The following DENND2B variants were observed in gnomAD, a reference collection of about 807,000 sequenced individuals.
DENND2B encodes the protein DENN domain-containing protein 2B.
Under a neutral mutation model 116.0 loss-of-function variants are expected in DENND2B, and 32 were observed. That is an observed-to-expected ratio of 0.28 (90% CI 0.21 to 0.37). The LOEUF is 0.37. DENND2B is among the 10% of genes least tolerant of loss of function. DENND2B has a pLI of 1.00. For synonymous variants in DENND2B, 588 were observed against 583.9 expected (o/e 1.01, Z -0.10); for missense variants, 1,276 against 1,477.7 (o/e 0.86, Z 2.24).
At chr11:8,849,062 A>G (rs1485324912) in intron 3 of DENND2B, among the ~76,000 whole-genome samples, 1 of 150,912 alleles carries the variant, frequency 6.6e-6, no homozygotes, top group Non-Finnish European at 1.5e-5. Context: ...AAATGATGTA[A>G]TTTTTTTTTT....
At position 8,731,020 on chromosome 11, in the gene DENND2B, G is replaced by T; in HGVS notation, c.270C>A (p.Pro90=). Residue 90 remains proline, a synonymous_variant, in exon 3 of 20, where the codon CCC becomes CCA. Coordinates refer to ENST00000313726, the MANE Select transcript of DENND2B (RefSeq NM_213618.2). The stretch of plus-strand genomic sequence containing the variant: ...AGCTGGCGGTCTTGAAGGGACAGGT[G>T]GGTGGGGAAGTATCTGGGGAGGGAT... ...PQDPSPDTSP[P]TCPFKTASFG... is the part of the protein sequence containing the mutation. The T allele has an allele frequency of 6.2e-7, 1 of 1,614,188 alleles. No homozygotes were observed. The highest frequency in any genetic ancestry group is 1.3e-5 in the African/African-American group (1 of 75,070).
intron 1 of DENND2B, among the ~76,000 whole-genome samples, chr11:8,758,642 T>C (rs2054025266): frequency 6.6e-6 from 1 of 152,220 alleles, no homozygotes; most frequent in Non-Finnish European, 1.5e-5. Flanking sequence ...ATTCAGATTC[T>C]AGCTTCTTTT....
chr11:8,731,728 A>G (rs1055907953), intron 2 of DENND2B, among the ~76,000 whole-genome samples: 1 of 152,160 alleles, frequency 6.6e-6, no homozygotes, highest in Non-Finnish European at 1.5e-5. Flanking sequence ...AAAACCAAAC[A>G]AGTCTGAACA....
At chr11:8,724,220 C>T (rs1005154245) in intron 4 of DENND2B, among the ~76,000 whole-genome samples, 6 of 151,790 alleles carry the variant, frequency 4.0e-5, no homozygotes, top group African/African-American at 9.7e-5. Flanking sequence ...GGCATGAACC[C>T]GGGATGCGGA....
chr11:8,708,198 G>C, intron 11 of DENND2B: 1 of 1,251,842 alleles, frequency 8.0e-7, no homozygotes, highest in South Asian at 1.6e-5. Flanking sequence ...TAGCCCTGAG[G>C]CTGGGACCCC....
At chr11:8,833,872 A>G (rs991302007) in intron 4 of DENND2B, among the ~76,000 whole-genome samples, 1 of 152,186 alleles carries the variant, frequency 6.6e-6, no homozygotes, top group Non-Finnish European at 1.5e-5. Context: ...GCAGCTGGTT[A>G]GTTCAGTTAC....
intron 14 of DENND2B, among the ~76,000 whole-genome samples, chr11:8,701,879 T>G (rs1488667656): frequency 6.6e-6 from 1 of 152,026 alleles, no homozygotes. Flanking sequence ...GACCAAGACC[T>G]GTGACCCATC....
At chr11:8,869,989 C>A (rs1174033335) in intron 2 of DENND2B, among the ~76,000 whole-genome samples, 5 of 152,114 alleles carry the variant, frequency 3.3e-5, no homozygotes, top group Non-Finnish European at 4.4e-5. Flanking sequence ...CAAAACAATG[C>A]AGCCCTTTGG....
chr11:8,865,518 G>A (rs2063545028), intron 2 of DENND2B, among the ~76,000 whole-genome samples: 2 of 152,126 alleles, frequency 1.3e-5, no homozygotes, highest in Admixed American at 6.5e-5. Flanking sequence ...TTAGCCAGAG[G>A]AAGGGAAGGA....
At chr11:8,898,076 T>G (rs2064124704) in intron 1 of DENND2B, among the ~76,000 whole-genome samples, 1 of 152,208 alleles carries the variant, frequency 6.6e-6, no homozygotes. Context: ...CACATGGCCT[T>G]GACTGAACTT....
At position 8,730,115 on chromosome 11, in the gene DENND2B, C is replaced by T. The variant is rs142799946; in HGVS notation, c.1175G>A (p.Arg392His). 1 of 1,614,178 alleles carries T rather than the reference C, an allele frequency of 6.2e-7. No individual in the cohort carries two copies. Among genetic ancestry groups the T allele is most frequent in the Non-Finnish European group, 8.5e-7 (1 of 1,180,034 alleles). Reference sequence around the variant, plus strand: ...CTTGTCAGCCTCGTATTCAAAGGTGCGCTTGGGTTTGGGGACAGGGTTCAC... The same window carrying T: ...CTTGTCAGCCTCGTATTCAAAGGTGTGCTTGGGTTTGGGGACAGGGTTCAC... ...PAVNPVPKPK[R>H]TFEYEADKNP... Residue 392 changes from arginine (R) to histidine (H), a missense_variant, in exon 3 of 20, where the codon CGC becomes CAC. By Grantham distance (29) the Arg-to-His change is conservative. Transcript: ENST00000313726. This position sits in a 1 kb window ranked among gnomAD's most constrained non-coding sequence, Gnocchi z 4.1.
At chr11:8,846,033 C>T (rs967458188) in intron 3 of DENND2B, among the ~76,000 whole-genome samples, 10 of 152,124 alleles carry the variant, frequency 6.6e-5, no homozygotes, top group Admixed American at 1.3e-4. Flanking sequence ...ACAAGCCCTT[C>T]GAAGGTCCTC....
chr11:8,847,123 A>G (rs1052310998), intron 3 of DENND2B, among the ~76,000 whole-genome samples: 3 of 152,264 alleles, frequency 2.0e-5, no homozygotes, highest in African/African-American at 4.8e-5. Flanking sequence ...AAACTTCTCC[A>G]GAGTCAGTCA....
chr11:8,766,851 G>A (rs2055900494), intron 1 of DENND2B: 4 of 343,400 alleles, frequency 1.2e-5, no homozygotes, highest in Admixed American at 4.1e-5. Context: ...ACTGGAATTC[G>A]CTTTTTCATG....
chr11:8,768,031 A>G (rs1004385075), intron 1 of DENND2B, among the ~76,000 whole-genome samples: 1 of 151,858 alleles, frequency 6.6e-6, no homozygotes, highest in Admixed American at 6.6e-5. Context: ...AGAGATCTAG[A>G]TCGAGCTGTT....
chr11:8,812,979 T>G (rs1202561095), upstream of DENND2B, among the ~76,000 whole-genome samples: 1 of 152,150 alleles, frequency 6.6e-6, no homozygotes, highest in Non-Finnish European at 1.5e-5. Context: ...ACACGAGGTC[T>G]TATTATGTTG....
intron 2 of DENND2B, among the ~76,000 whole-genome samples, chr11:8,732,048 G>A (rs575672437): frequency 7.4e-4 from 112 of 152,228 alleles, no homozygotes; most frequent in Non-Finnish European, 1.1e-3. Flanking sequence ...ATCCCTGAGG[G>A]CCTCAGACAG....
At chr11:8,766,790 G>A (rs758150117) in intron 1 of DENND2B, 1 of 756,332 alleles carries the variant, frequency 1.3e-6, no homozygotes, top group Non-Finnish European at 2.0e-6. Flanking sequence ...TTAGGTGGGG[G>A]TGCTGGGTTG....
intron 1 of DENND2B, among the ~76,000 whole-genome samples, chr11:8,776,951 G>A (rs947638770): frequency 1.3e-5 from 2 of 152,180 alleles, no homozygotes; most frequent in East Asian, 3.9e-4. Flanking sequence ...GGCCTCTTTA[G>A]GGAAAAAGGG....
Sources: gnomAD v4.1 joint callset for allele counts (sites outside exome capture counted in the v4.1 genomes callset) on GRCh38, gnomAD v4.1.1 for gene constraint, Gnocchi (gnomAD v3.1) non-coding constraint, MANE v1.5 for transcripts, NCBI Gene and HGNC (gene_info 2026-07-23, HGNC 2026-07-21) for gene names.